Variants in ZNF236 observed in about 807,000 individuals in gnomAD.
ZNF236 encodes regulated by glucose.
In ZNF236, 50 loss-of-function variants were observed where a neutral mutation model predicts 191.2. The ratio of observed to expected loss-of-function variants is 0.26; its 90% CI spans 0.21 to 0.33. ZNF236 has a LOEUF of 0.33. Ranked by LOEUF, ZNF236 falls within the 10% of genes least tolerant of loss-of-function variation. ZNF236 has a pLI of 1.00. For missense variants in ZNF236, 1,754 were observed against 2,374.5 expected, an observed-to-expected ratio of 0.74 and a Z score of 5.43; for synonymous variants, 907 against 928.8, an observed-to-expected ratio of 0.98 and a Z score of 0.43.
chr18:76,868,966 A>G, intron 4 of ZNF236, 103 bp downstream of exon 4: 1 of 1,125,754 alleles, frequency 8.9e-7, no homozygotes, highest in South Asian at 1.6e-5. Flanking sequence ...AGAACCCAGC[A>G]AAGTGGAACC....
chr18:76,843,554 GAT>G (rs1190676105), intron 1 of ZNF236, among the ~76,000 whole-genome samples: 1 of 144,270 alleles, frequency 6.9e-6, no homozygotes, highest in Non-Finnish European at 1.5e-5. Flanking sequence ...GAGGTGGGCG[GAT>G]CACGAGGTCA....
At chr18:76,934,072 G>T (rs565436225) in intron 25 of ZNF236, among the ~76,000 whole-genome samples, 1 of 152,284 alleles carries the variant, frequency 6.6e-6, no homozygotes, top group East Asian at 1.9e-4. Context: ...TATGTATATG[G>T]CTATTATTAT....
intron 6 of ZNF236, 124 bp from the exon 7 acceptor site, chr18:76,877,885 G>T (rs1976759902): frequency 1.4e-6 from 1 of 719,002 alleles, no homozygotes; most frequent in South Asian, 3.3e-5. Context: ...AAAAGGTAAT[G>T]TTGAAGGGTT....
chr18:76,824,119 G>A (rs570476355), intron 1 of ZNF236: 78 of 576,558 alleles, frequency 1.4e-4, no homozygotes, highest in Non-Finnish European at 2.3e-4. Flanking sequence ...TCATTAAAGA[G>A]CTTGTGACCA....
Position 76,835,596 on chromosome 18 carries a change from G to T in ZNF236, c.55+12934G>T, listed in dbSNP as rs9964216. 5.5e-3 allele frequency among the ~76,000 whole-genome samples: 832 copies of T among 152,002 alleles called. 5 individuals carry two copies. Among genetic ancestry groups the T allele is most frequent in the African/African-American group, 0.019 (769 of 41,438 alleles). The stretch of plus-strand genomic sequence containing the variant: ...TTAAAGCCTCCTTTGTTTGATGTTG[G>T]TACACCTGCACCATGACTGCTTTGG... On this transcript the variant is annotated intron_variant, in intron 1 of 30. Coordinates refer to ENST00000320610, the MANE Select transcript of ZNF236 (RefSeq NM_001306089.2).
In ZNF236 at chr18:76,968,697, T is replaced by G. The variant is rs470220; in HGVS notation, c.*358T>G. On this transcript the variant is annotated 3_prime_UTR_variant, in exon 31 of 31. Transcript: ENST00000320610. ...TTAGCAAAGACAAAAACGCTAACAT[T>G]GAAAAAGTATGTCAGATTTTCCTTC... 1 allele frequency: 1,002,929 copies of G among 1,004,616 alleles called. 500,643 individuals are homozygous for G. The highest frequency in any genetic ancestry group is 1 in the East Asian group (9,474 of 9,474). 62.2% of individuals were successfully genotyped at this position (1,004,616 alleles called of 1,614,324 possible). A position where few individuals can be genotyped will look rare whatever the true frequency, so the allele number is the denominator to read the frequency against.
At chr18:76,918,840 C>T (rs1168447974) in intron 19 of ZNF236, among the ~76,000 whole-genome samples, 1 of 152,118 alleles carries the variant, frequency 6.6e-6, no homozygotes, top group Non-Finnish European at 1.5e-5. Context: ...CAGGTGTGAG[C>T]CACTGCACCT....
intron 1 of ZNF236, among the ~76,000 whole-genome samples, chr18:76,827,674 G>A (rs969792294): frequency 1.3e-5 from 2 of 152,216 alleles, no homozygotes; most frequent in Admixed American, 6.5e-5. Flanking sequence ...CTAAAGAGAT[G>A]AGTAAGAAGA....
At chr18:76,911,276 T>C (rs542549856) in intron 16 of ZNF236, among the ~76,000 whole-genome samples, 1 of 146,848 alleles carries the variant, frequency 6.8e-6, no homozygotes, top group Admixed American at 7.0e-5. Flanking sequence ...GTTTTCATTT[T>C]CCTGCTTTTG....
intron 17 of ZNF236, among the ~76,000 whole-genome samples, chr18:76,913,430 A>G (rs759483842): frequency 2.6e-5 from 4 of 152,212 alleles, no homozygotes; most frequent in African/African-American, 7.2e-5. Flanking sequence ...TTTTCTTCCT[A>G]TTATGCTTAG....
chr18:76,960,131 G>A lies in ZNF236; in HGVS notation c.5242+315G>A, dbSNP rs371942528. On this transcript the variant is annotated intron_variant, in intron 29 of 30. Transcript: ENST00000320610. This position sits in a 1 kb window ranked among gnomAD's most constrained non-coding sequence, Gnocchi z 4.4. ...CTGGAGCAAACAGGCGGCCCCCAGT[G>A]CCTGGGTCCCATGTCCTCAATGTCA... 2.4e-4 allele frequency among the ~76,000 whole-genome samples: 36 copies of A among 152,244 alleles called. No homozygotes were observed. In the East Asian group the frequency reaches 4.2e-3, roughly 18 times the overall value.
In ZNF236 at chr18:76,969,032, G is replaced by A. The variant is rs1419516559; in HGVS notation, c.*693G>A. 6.3e-6 allele frequency: 6 copies of A among 956,940 alleles called. No individual in the cohort carries two copies. In the South Asian group the frequency reaches 1.4e-4, roughly 23 times the overall value. The allele number at this position is 956,940 out of a possible 1,614,324, so 59.3% of individuals were successfully genotyped here. A position where few individuals can be genotyped will look rare whatever the true frequency, so the allele number is the denominator to read the frequency against. ...CCAATAAGGATTCAGCTGTCCACAC[G>A]GGCTGGCGACACACTTACCGCATCA... is the stretch of plus-strand genomic sequence containing the variant. On this transcript the variant is annotated 3_prime_UTR_variant, in exon 31 of 31. Coordinates refer to ENST00000320610, the MANE Select transcript of ZNF236 (RefSeq NM_001306089.2).
chr18:76,905,545 GAAAAAA>G, intron 13 of ZNF236, 130 bp downstream of exon 13: 11 of 63,926 alleles, frequency 1.7e-4, no homozygotes, highest in Admixed American at 2.6e-4. Context: ...ATGGGCTCAA[GAAAAAA>G]AAAAAAAAAA....
intron 30 of ZNF236, among the ~76,000 whole-genome samples, chr18:76,964,321 A>G (rs1029679869): frequency 2.6e-5 from 4 of 152,172 alleles, no homozygotes; most frequent in African/African-American, 4.8e-5. Flanking sequence ...TTTTCACCCA[A>G]TGATCATTCA....
chr18:76,915,596 G>A, intron 18 of ZNF236, 51 bp from the exon 19 acceptor site: 1 of 1,559,650 alleles, frequency 6.4e-7, no homozygotes, highest in Non-Finnish European at 8.8e-7. Context: ...TGGTTTTAAG[G>A]TAGTGAAATA....
intron 25 of ZNF236, chr18:76,935,954 T>G (rs1409006821): frequency 2.2e-6 from 1 of 456,604 alleles, no homozygotes; most frequent in Non-Finnish European, 4.4e-6. Context: ...CCTCCCAGCC[T>G]GCTAATGGTT....
chr18:76,894,683 T>A (rs1420947260), intron 9 of ZNF236, among the ~76,000 whole-genome samples: 1 of 152,178 alleles, frequency 6.6e-6, no homozygotes, highest in Non-Finnish European at 1.5e-5. Context: ...TCTCTTCTCG[T>A]TCCCTGCATT....
At chr18:76,917,840 G>A (rs1599392570) in intron 19 of ZNF236, among the ~76,000 whole-genome samples, 1 of 151,958 alleles carries the variant, frequency 6.6e-6, no homozygotes, top group Admixed American at 6.6e-5. Flanking sequence ...GGTATAATGC[G>A]GACTTTCAGT....
intron 27 of ZNF236, among the ~76,000 whole-genome samples, chr18:76,952,852 T>G (rs1267741141): frequency 6.6e-6 from 1 of 152,004 alleles, no homozygotes; most frequent in Non-Finnish European, 1.5e-5. Flanking sequence ...CAAACAGGGG[T>G]GTAGTTAGGA....
Sources: gnomAD v4.1 joint callset for allele counts (sites outside exome capture counted in the v4.1 genomes callset) on GRCh38, gnomAD v4.1.1 for gene constraint, Gnocchi (gnomAD v3.1) non-coding constraint, MANE v1.5 for transcripts, NCBI Gene and HGNC (gene_info 2026-07-23, HGNC 2026-07-21) for gene names.